SH3BGR: variants seen among roughly 807,000 people sequenced by gnomAD.
SH3BGR encodes the protein SH3 domain binding glutamate rich protein.
A neutral mutation model predicts 24.5 loss-of-function variants in SH3BGR; 29 were observed. The observed-to-expected ratio is 1.18, with a 90% CI of 0.88 to 1.61. The LOEUF (loss-of-function observed/expected upper bound fraction) is 1.61. Ranked by LOEUF, SH3BGR falls within the 40% of genes most tolerant of loss-of-function variation. SH3BGR has a pLI of 0.00. For synonymous variants in SH3BGR, 55 were observed against 65.7 expected (o/e 0.84, Z 0.79); for missense variants, 162 against 205.8 (o/e 0.79, Z 1.30).
chr21:39,476,713 G>A (rs1300953122), intron 3 of SH3BGR, among the ~76,000 whole-genome samples: 3 of 152,030 alleles, frequency 2.0e-5, no homozygotes, highest in East Asian at 1.9e-4. Context: ...GACATCTCCC[G>A]TATTCCTACT....
intron 1 of SH3BGR, among the ~76,000 whole-genome samples, chr21:39,457,316 TATTATATATAA>T (rs1487388161): frequency 6.4e-4 from 91 of 142,954 alleles, no homozygotes; most frequent in Non-Finnish European, 7.4e-4. Flanking sequence ...ATATAAATCT[TATTATATATAA>T]GATTATTATA....
intron 3 of SH3BGR, among the ~76,000 whole-genome samples, chr21:39,478,405 C>G (rs1450530796): frequency 6.6e-6 from 1 of 152,184 alleles, no homozygotes; most frequent in Non-Finnish European, 1.5e-5. Flanking sequence ...AGTCTGTCTC[C>G]AGATCTTTTT....
chr21:39,502,352 C>T (rs2078509009), intron 4 of SH3BGR, among the ~76,000 whole-genome samples: 1 of 152,180 alleles, frequency 6.6e-6, no homozygotes, highest in South Asian at 2.1e-4. Flanking sequence ...GTAGGTATGA[C>T]ACCTCAGATA....
Position 39,511,853 on chromosome 21 carries a change from C to T in SH3BGR, c.*34+44C>T. 6.5e-7 allele frequency: 1 copy of T among 1,541,928 alleles called. No individual in the cohort carries two copies. Among genetic ancestry groups the T allele is most frequent in the Non-Finnish European group, 8.7e-7 (1 of 1,146,490 alleles). Reference sequence around the variant, plus strand: ...GGTGGAAAAGCTGCTAGTTACCGTACTGTATGCTATCTGCGGCACATTTTG... The same window carrying T: ...GGTGGAAAAGCTGCTAGTTACCGTATTGTATGCTATCTGCGGCACATTTTG... On this transcript the variant is annotated intron_variant, in intron 6 of 6. Coordinates refer to ENST00000333634, the MANE Select transcript of SH3BGR (RefSeq NM_007341.3). The surrounding 1 kb of genome is among the most constrained non-coding windows in gnomAD (Gnocchi z 4.2).
At chr21:39,486,760 A>G (rs1221903227) in intron 3 of SH3BGR, among the ~76,000 whole-genome samples, 2 of 152,224 alleles carry the variant, frequency 1.3e-5, no homozygotes, top group Non-Finnish European at 2.9e-5. Context: ...TCTGTCACCC[A>G]GGCTGGAGTG....
intron 3 of SH3BGR, among the ~76,000 whole-genome samples, chr21:39,485,685 T>C (rs947571660): frequency 7.2e-6 from 1 of 139,546 alleles, no homozygotes; most frequent in Non-Finnish European, 1.5e-5. Flanking sequence ...AAAGTTGTTT[T>C]CTTTTTTTTT....
chr21:39,453,981 G>C (rs993504043), intron 1 of SH3BGR, among the ~76,000 whole-genome samples: 2 of 152,266 alleles, frequency 1.3e-5, no homozygotes, highest in Middle Eastern at 3.4e-3. Flanking sequence ...TATTAATTAG[G>C]ATTTCAGTTA....
intron 2 of SH3BGR, 69 bp from the exon 3 acceptor site, chr21:39,475,066 T>A: frequency 1.1e-6 from 1 of 947,624 alleles, no homozygotes; most frequent in South Asian, 1.5e-5. Context: ...ATACAAAAGA[T>A]CAGTTTCCGT....
chr21:39,449,193 AC>A (rs2077545913), upstream of SH3BGR, among the ~76,000 whole-genome samples: 2 of 152,198 alleles, frequency 1.3e-5, no homozygotes, highest in Non-Finnish European at 2.9e-5. Flanking sequence ...ATCCTCTGCA[AC>A]CTTGCTCAGT....
intron 1 of SH3BGR, among the ~76,000 whole-genome samples, chr21:39,454,718 T>C (rs2077627669): frequency 6.6e-6 from 1 of 152,210 alleles, no homozygotes; most frequent in Non-Finnish European, 1.5e-5. Context: ...GGGAAAAATA[T>C]GACTCTTGAA....
rs374876125 is a variant in SH3BGR, at chr21:39,496,360, T to C, written c.313-3463T>C. On this transcript the variant is annotated intron_variant, in intron 3 of 6. Transcript: ENST00000333634. ...CTAAAAATACAAAAAATTAGCCGGG[T>C]GCGGTGGCGGGCACCTGTAGTCCCA... Among the ~76,000 whole-genome samples, 559 of 151,528 alleles carry C rather than the reference T, an allele frequency of 3.7e-3. 5 individuals carry two copies. The highest frequency in any genetic ancestry group is 0.013 in the African/African-American group (519 of 41,300).
At chr21:39,477,068 G>A (rs969181232) in intron 3 of SH3BGR, among the ~76,000 whole-genome samples, 5 of 151,816 alleles carry the variant, frequency 3.3e-5, no homozygotes, top group African/African-American at 1.2e-4. Context: ...TATAGCATTA[G>A]AATCTTTTAT....
At chr21:39,493,090 T>A (rs1457006276) in intron 3 of SH3BGR, among the ~76,000 whole-genome samples, 2 of 152,250 alleles carry the variant, frequency 1.3e-5, no homozygotes, top group Non-Finnish European at 2.9e-5. Flanking sequence ...TGCTGACTGT[T>A]CCTTTTGCCG....
At chr21:39,465,154 C>T (rs1371774523) in intron 2 of SH3BGR, among the ~76,000 whole-genome samples, 2 of 152,068 alleles carry the variant, frequency 1.3e-5, no homozygotes, top group African/African-American at 4.8e-5. Flanking sequence ...AAACTCCTGG[C>T]CTCCCAAAGT....
At chr21:39,490,839 G>A (rs2078287773) in intron 3 of SH3BGR, among the ~76,000 whole-genome samples, 1 of 150,682 alleles carries the variant, frequency 6.6e-6, no homozygotes, top group Admixed American at 6.6e-5. Flanking sequence ...CTAAAATGAT[G>A]CCCCTGCCTC....
intron 3 of SH3BGR, among the ~76,000 whole-genome samples, chr21:39,482,730 C>T (rs894146682): frequency 1.3e-5 from 2 of 151,942 alleles, no homozygotes; most frequent in Non-Finnish European, 2.9e-5. Flanking sequence ...AATGCGGTTG[C>T]GCAGTCTCAG....
rs144751728 is a variant in SH3BGR, at chr21:39,510,732, A to G, written c.436-948A>G. Among the ~76,000 whole-genome samples, 769 of 151,774 alleles carry G rather than the reference A, an allele frequency of 5.1e-3. 7 individuals carry two copies. Among genetic ancestry groups the G allele is most frequent in the African/African-American group, 0.018 (733 of 41,426 alleles). ...CCAGCTTCAAAATAGAATTTTAAAA[A>G]TAAGATAAAAACATATTGTTAATTT... On this transcript the variant is annotated intron_variant, in intron 5 of 6. Coordinates refer to ENST00000333634, the MANE Select transcript of SH3BGR (RefSeq NM_007341.3).
chr21:39,466,177 C>G (rs1353267343), intron 2 of SH3BGR, among the ~76,000 whole-genome samples: 1 of 152,178 alleles, frequency 6.6e-6, no homozygotes, highest in Non-Finnish European at 1.5e-5. Context: ...ACATTTCCAC[C>G]AGCTGAGTTT....
chr21:39,470,935 T>G (rs528898415), intron 2 of SH3BGR, among the ~76,000 whole-genome samples: 1 of 152,318 alleles, frequency 6.6e-6, no homozygotes, highest in East Asian at 1.9e-4. Context: ...TTTTACTGAG[T>G]CTGGAATTCT....
Sources: gnomAD v4.1 joint callset for allele counts (sites outside exome capture counted in the v4.1 genomes callset) on GRCh38, gnomAD v4.1.1 for gene constraint, Gnocchi (gnomAD v3.1) non-coding constraint, MANE v1.5 for transcripts, NCBI Gene and HGNC (gene_info 2026-07-23, HGNC 2026-07-21) for gene names.